The following SSBP2 variants were observed in gnomAD, a reference collection of about 807,000 sequenced individuals.
SSBP2 encodes single stranded DNA binding protein 2.
SSBP2 carries 17 observed loss-of-function variants against 61.8 expected under a neutral mutation model. The ratio of observed to expected loss-of-function variants is 0.28; its 90% CI spans 0.19 to 0.41. The LOEUF (loss-of-function observed/expected upper bound fraction) is 0.41, where lower values mean the gene tolerates loss of function less well. Ranked by LOEUF, SSBP2 falls within the 10% of genes least tolerant of loss-of-function variation. The pLI is 1.00. For missense variants in SSBP2, 310 were observed against 458.7 expected, an observed-to-expected ratio of 0.68 and a Z score of 2.96; for synonymous variants, 139 against 141.3, an observed-to-expected ratio of 0.98 and a Z score of 0.12.
intron 16 of SSBP2, among the ~76,000 whole-genome samples, chr5:81,423,938 ATTTT>A (rs942443937): frequency 6.6e-6 from 1 of 152,112 alleles, no homozygotes; most frequent in Non-Finnish European, 1.5e-5. Context: ...AACTGTTAAC[ATTTT>A]TTTATCTGTG....
Position 81,514,857 on chromosome 5 carries a change from G to A in SSBP2, c.283-1140C>T, listed in dbSNP as rs561865174. Among the ~76,000 whole-genome samples, 13 of 152,008 alleles carry A rather than the reference G, an allele frequency of 8.6e-5. No individual in the cohort carries two copies. In the East Asian group the frequency reaches 1.5e-3, roughly 18 times the overall value. ...GCCAATGATTTTAGTATTTCCTGAG[G>A]AAGTCTAGATTTAAACGTGATTATC... is the stretch of plus-strand genomic sequence containing the variant. On this transcript the variant is annotated intron_variant, in intron 4 of 16. Transcript: ENST00000320672.
At chr5:81,595,960 C>T (rs529463797) in intron 4 of SSBP2, among the ~76,000 whole-genome samples, 1 of 152,294 alleles carries the variant, frequency 6.6e-6, no homozygotes, top group African/African-American at 2.4e-5. Flanking sequence ...CAGGGATGCC[C>T]TCTCTCACCA....
At chr5:81,652,624 G>A (rs1046851419) in intron 1 of SSBP2, among the ~76,000 whole-genome samples, 2 of 152,046 alleles carry the variant, frequency 1.3e-5, no homozygotes, top group Non-Finnish European at 2.9e-5. Flanking sequence ...AATCTCCTTT[G>A]AACAAAATTA....
chr5:81,505,293 G>C (rs1019580903), intron 5 of SSBP2, among the ~76,000 whole-genome samples: 3 of 152,146 alleles, frequency 2.0e-5, no homozygotes, highest in African/African-American at 4.8e-5. Context: ...TTTTCTATCT[G>C]GCCTTTCACA....
intron 1 of SSBP2, among the ~76,000 whole-genome samples, chr5:81,671,283 A>G (rs1255024232): frequency 6.6e-6 from 1 of 151,988 alleles, no homozygotes; most frequent in Non-Finnish European, 1.5e-5. Flanking sequence ...ATCACAGGGT[A>G]TTTTTTTCCT....
At chr5:81,609,815 G>A (rs912099333) in intron 4 of SSBP2, among the ~76,000 whole-genome samples, 1 of 152,038 alleles carries the variant, frequency 6.6e-6, no homozygotes, top group Admixed American at 6.5e-5. Context: ...CCTTTCAGTG[G>A]TGTCTTTGTT....
At chr5:81,672,707 G>A (rs1751672416) in intron 1 of SSBP2, among the ~76,000 whole-genome samples, 1 of 151,834 alleles carries the variant, frequency 6.6e-6, no homozygotes, top group South Asian at 2.1e-4. Flanking sequence ...GTGTAGCTGG[G>A]ATTGCAGGTG....
At position 81,669,237 on chromosome 5, in the gene SSBP2, A is replaced by G. The variant is rs369714674; in HGVS notation, c.63-18898T>C. Among the ~76,000 whole-genome samples, 16 of 152,344 alleles carry G rather than the reference A, an allele frequency of 1.1e-4. No individual in the cohort carries two copies. The South Asian group carries it at 3.3e-3, about 32-fold the overall frequency. On this transcript the variant is annotated intron_variant, in intron 1 of 16. Transcript: ENST00000320672. ...AGATTTTCCTTCATTGCTGGTGGGA[A>G]TGCAAAATGGTCCAGCCACTTTGGA...
At chr5:81,613,245 A>T (rs895746232) in intron 4 of SSBP2, among the ~76,000 whole-genome samples, 1 of 144,832 alleles carries the variant, frequency 6.9e-6, no homozygotes, top group African/African-American at 2.5e-5. Context: ...ATTCATAATG[A>T]ATTATAAAAT....
intron 5 of SSBP2, among the ~76,000 whole-genome samples, chr5:81,497,000 A>ATTT (rs1767339507): frequency 6.6e-6 from 1 of 152,226 alleles, no homozygotes; most frequent in African/African-American, 2.4e-5. Flanking sequence ...CCACTCAAAC[A>ATTT]TGAAAGGTGA....
chr5:81,428,166 C>T (rs1318455748), intron 16 of SSBP2, among the ~76,000 whole-genome samples: 1 of 152,168 alleles, frequency 6.6e-6, no homozygotes, highest in Admixed American at 6.5e-5. Flanking sequence ...GGTTAACAGA[C>T]CGCCAATTTG....
chr5:81,607,885 T>C (rs1397592770), intron 4 of SSBP2, among the ~76,000 whole-genome samples: 1 of 152,134 alleles, frequency 6.6e-6, no homozygotes, highest in Non-Finnish European at 1.5e-5. Context: ...CTGGAAGCAT[T>C]CTGAAACAGT....
At chr5:81,451,422 G>A (rs1325035482) in intron 10 of SSBP2, among the ~76,000 whole-genome samples, 4 of 151,202 alleles carry the variant, frequency 2.6e-5, no homozygotes, top group Non-Finnish European at 5.9e-5. Context: ...TTTATTTATT[G>A]TATTCTATTT....
At chr5:81,604,520 T>C (rs1437892097) in intron 4 of SSBP2, among the ~76,000 whole-genome samples, 2 of 152,080 alleles carry the variant, frequency 1.3e-5, no homozygotes, top group African/African-American at 2.4e-5. Flanking sequence ...TTATTGGACA[T>C]GACTAGTAGG....
intron 4 of SSBP2, among the ~76,000 whole-genome samples, chr5:81,544,293 C>T (rs985263290): frequency 5.9e-5 from 9 of 152,134 alleles, no homozygotes; most frequent in Admixed American, 1.3e-4. Context: ...GTGATCCGCC[C>T]CCCTCAGCCA....
At chr5:81,615,109 T>C (rs1240498961) in intron 4 of SSBP2, 1 of 170,754 alleles carries the variant, frequency 5.9e-6, no homozygotes, top group Non-Finnish European at 1.2e-5. Flanking sequence ...TCAAAAATCT[T>C]ATGTGCAAGG....
intron 4 of SSBP2, among the ~76,000 whole-genome samples, chr5:81,533,386 AGAGT>A (rs1354506817): frequency 6.6e-6 from 1 of 152,092 alleles, no homozygotes; most frequent in African/African-American, 2.4e-5. Flanking sequence ...AAATACTGGG[AGAGT>A]GAGTATTACT....
chr5:81,426,933 C>CA (rs1409653687), intron 16 of SSBP2, among the ~76,000 whole-genome samples: 18 of 152,320 alleles, frequency 1.2e-4, no homozygotes, highest in Admixed American at 1.1e-3. Flanking sequence ...ATATACATTA[C>CA]AGCACTCATT....
Position 81,473,684 on chromosome 5 carries a change from T to G in SSBP2, c.570+16A>C, listed in dbSNP as rs1243749246. On this transcript the variant is annotated intron_variant, in intron 8 of 16. Coordinates refer to ENST00000320672, the MANE Select transcript of SSBP2 (RefSeq NM_012446.5). Reference sequence around the variant, plus strand: ...TTCCATATCTTTGCTATTGTAAATATGCACTGATTATTTACCTGTGGTCCT... The same window carrying G: ...TTCCATATCTTTGCTATTGTAAATAGGCACTGATTATTTACCTGTGGTCCT... 4 of 1,609,842 alleles carry G rather than the reference T, an allele frequency of 2.5e-6. No homozygotes were observed. The African/African-American group carries it at 5.3e-5, about 22-fold the overall frequency.
Sources: gnomAD v4.1 joint callset for allele counts (sites outside exome capture counted in the v4.1 genomes callset) on GRCh38, gnomAD v4.1.1 for gene constraint, MANE v1.5 for transcripts, NCBI Gene and HGNC (gene_info 2026-07-23, HGNC 2026-07-21) for gene names.